PRKAG2: variants seen among roughly 807,000 people sequenced by gnomAD.
PRKAG2 encodes the protein 5'-AMP-activated protein kinase subunit gamma-2.
A neutral mutation model predicts 69.6 loss-of-function variants in PRKAG2; 26 were observed. The observed-to-expected ratio is 0.37, with a 90% CI of 0.27 to 0.52. The LOEUF (loss-of-function observed/expected upper bound fraction) is 0.52. PRKAG2 is among the 20% of genes least tolerant of loss of function. The probability of loss-of-function intolerance (pLI) is 0.90; values close to 1 mark genes in which losing one functional copy is unlikely to be tolerated. For missense variants in PRKAG2, 557 were observed against 740.0 expected (o/e 0.75, Z 2.87); for synonymous variants, 293 against 285.0 (o/e 1.03, Z -0.28).
intron 4 of PRKAG2, among the ~76,000 whole-genome samples, chr7:151,658,529 AAAGT>A (rs1397224934): frequency 1.3e-5 from 2 of 152,024 alleles, no homozygotes; most frequent in African/African-American, 2.4e-5. Flanking sequence ...GAGCACCTAC[AAAGT>A]AAGAGTTGTT....
intron 1 of PRKAG2, among the ~76,000 whole-genome samples, chr7:151,857,857 T>C (rs1243246741): frequency 6.6e-6 from 1 of 152,244 alleles, no homozygotes; most frequent in Non-Finnish European, 1.5e-5. Context: ...ACACCTTCTA[T>C]ACAATCCCAA....
chr7:151,833,616 A>G (rs1237273000), intron 1 of PRKAG2, among the ~76,000 whole-genome samples: 1 of 152,212 alleles, frequency 6.6e-6, no homozygotes, highest in Non-Finnish European at 1.5e-5. Context: ...TCTGGTCCCC[A>G]GCCCCAGCAC....
intron 5 of PRKAG2, among the ~76,000 whole-genome samples, chr7:151,618,519 C>T (rs1319126227): frequency 6.6e-6 from 1 of 151,772 alleles, no homozygotes; most frequent in Non-Finnish European, 1.5e-5. Flanking sequence ...AATCCCAGCA[C>T]TTTGGGAGGC....
chr7:151,712,459 G>C (rs1447059850), intron 3 of PRKAG2, among the ~76,000 whole-genome samples: 1 of 152,200 alleles, frequency 6.6e-6, no homozygotes, highest in Non-Finnish European at 1.5e-5. Flanking sequence ...AGCCCTGCAG[G>C]GGCCTTGCTC....
intron 4 of PRKAG2, among the ~76,000 whole-genome samples, chr7:151,655,489 T>C (rs1470766696): frequency 6.6e-6 from 1 of 152,196 alleles, no homozygotes; most frequent in Non-Finnish European, 1.5e-5. Flanking sequence ...AAGGGTAGTT[T>C]AGCAATGGTA....
chr7:151,734,848 CTTTTTT>C (rs35008070), intron 3 of PRKAG2, among the ~76,000 whole-genome samples: 1 of 90,082 alleles, frequency 1.1e-5, no homozygotes, highest in African/African-American at 5.1e-5. Context: ...AAATCTGATT[CTTTTTT>C]TTTTTTTTTT....
chr7:151,653,795 T>C (rs1828940423), intron 4 of PRKAG2, among the ~76,000 whole-genome samples: 1 of 152,140 alleles, frequency 6.6e-6, no homozygotes, highest in Non-Finnish European at 1.5e-5. Flanking sequence ...TGAGCTGAGA[T>C]TGTGTCACTG....
chr7:151,781,175 C>G lies in PRKAG2; in HGVS notation c.443G>C (p.Arg148Thr), dbSNP rs2076649283. ...SNPATSPGGIRFFSRSRKTSG... is the reference protein window; with the variant it reads ...SNPATSPGGITFFSRSRKTSG... ...ACTTTTTCTGGAGCGGGAGAAAAAC[C>G]TGATGCCCCCGGGCGAGGTAGCAGG... The change falls in exon 3 of 16, where the codon AGG becomes ACG. Residue 148 changes from arginine to threonine, a missense_variant. Coordinates refer to ENST00000287878, the MANE Select transcript of PRKAG2 (RefSeq NM_016203.4). This position sits in a 1 kb window ranked among gnomAD's most constrained non-coding sequence, Gnocchi z 6.1. The G allele has an allele frequency of 6.2e-7, 1 of 1,614,038 alleles. No homozygotes were observed. Among genetic ancestry groups the G allele is most frequent in the Non-Finnish European group, 8.5e-7 (1 of 1,180,036 alleles).
chr7:151,823,780 G>A (rs796104039), intron 1 of PRKAG2, among the ~76,000 whole-genome samples: 14 of 152,264 alleles, frequency 9.2e-5, no homozygotes, highest in African/African-American at 2.9e-4. Context: ...GGGCTGGAAA[G>A]GAGGTAAAGT....
chr7:151,720,653 G>A (rs13229708), intron 3 of PRKAG2, among the ~76,000 whole-genome samples: 1 of 115,342 alleles, frequency 8.7e-6, no homozygotes, highest in Non-Finnish European at 1.8e-5. Flanking sequence ...GATGAAGGAG[G>A]AGAGAATGGA....
intron 4 of PRKAG2, among the ~76,000 whole-genome samples, chr7:151,642,932 A>G (rs1039142590): frequency 6.6e-5 from 10 of 152,240 alleles, no homozygotes; most frequent in African/African-American, 1.7e-4. Flanking sequence ...GAACCAGGGT[A>G]GTTGGTTAAT....
intron 5 of PRKAG2, among the ~76,000 whole-genome samples, chr7:151,615,831 T>C (rs766348542): frequency 2.0e-5 from 3 of 152,204 alleles, no homozygotes; most frequent in Non-Finnish European, 2.9e-5. Context: ...ACACTACTGC[T>C]CATTAGAGAA....
chr7:151,562,726 G>A (rs1009488820), intron 14 of PRKAG2, among the ~76,000 whole-genome samples: 1 of 152,118 alleles, frequency 6.6e-6, no homozygotes, highest in Non-Finnish European at 1.5e-5. Context: ...CCAGCACTTT[G>A]GGAGGCCGAG....
At chr7:151,723,499 G>A (rs1291604327) in intron 3 of PRKAG2, among the ~76,000 whole-genome samples, 12 of 152,318 alleles carry the variant, frequency 7.9e-5, no homozygotes, top group Non-Finnish European at 1.0e-4. Flanking sequence ...CCTAGGTCAC[G>A]CGGCCCACCC....
intron 3 of PRKAG2, among the ~76,000 whole-genome samples, chr7:151,686,098 A>T: frequency 6.6e-6 from 1 of 152,078 alleles, no homozygotes. Flanking sequence ...AGAGACAGTT[A>T]GGATGCTTCT....
chr7:151,752,811 G>A (rs1027390644), intron 3 of PRKAG2, among the ~76,000 whole-genome samples: 1 of 152,258 alleles, frequency 6.6e-6, no homozygotes, highest in Non-Finnish European at 1.5e-5. Context: ...AAAGTTTGAT[G>A]AGAAAGAAGA....
chr7:151,655,339 T>C (rs1042936897), intron 4 of PRKAG2, among the ~76,000 whole-genome samples: 1 of 152,198 alleles, frequency 6.6e-6, no homozygotes, highest in Non-Finnish European at 1.5e-5. Context: ...CTAAGAATCG[T>C]GAGCCCTCCT....
chr7:151,751,081 T>C (rs2074639696), intron 3 of PRKAG2, among the ~76,000 whole-genome samples: 2 of 151,440 alleles, frequency 1.3e-5, no homozygotes, highest in African/African-American at 4.9e-5. Flanking sequence ...TCTTTTGCCA[T>C]ACTGATTCAA....
At chr7:151,846,706 A>G (rs766322824) in intron 1 of PRKAG2, among the ~76,000 whole-genome samples, 9 of 152,056 alleles carry the variant, frequency 5.9e-5, no homozygotes, top group Non-Finnish European at 1.3e-4. Flanking sequence ...ACGTGTAGAT[A>G]AAGTGAGTAT....
Sources: gnomAD v4.1 joint callset for allele counts (sites outside exome capture counted in the v4.1 genomes callset) on GRCh38, gnomAD v4.1.1 for gene constraint, Gnocchi (gnomAD v3.1) non-coding constraint, MANE v1.5 for transcripts, NCBI Gene and HGNC (gene_info 2026-07-23, HGNC 2026-07-21) for gene names.